Variants in PCDHA7 observed in about 807,000 individuals in gnomAD.
The protein encoded by PCDHA7 is protocadherin alpha 7, also known as protocadherin alpha-7.
A neutral mutation model predicts 57.2 loss-of-function variants in PCDHA7; 37 were observed. The observed-to-expected ratio is 0.65, with a 90% CI of 0.50 to 0.85. The LOEUF (loss-of-function observed/expected upper bound fraction) is 0.85, where lower values mean the gene tolerates loss of function less well. Among genes scored for constraint, PCDHA7 ranks in the 40% least tolerant of loss-of-function variants. PCDHA7 has a pLI of 0.00. For synonymous variants in PCDHA7, 553 were observed against 558.8 expected (o/e 0.99, Z 0.15); for missense variants, 1,188 against 1,241.8 (o/e 0.96, Z 0.65).
intron 1 of PCDHA7, among the ~76,000 whole-genome samples, chr5:140,846,239 T>TATACA (rs1419115940): frequency 1.3e-5 from 2 of 149,652 alleles, no homozygotes; most frequent in Admixed American, 6.7e-5. Context: ...TAAAAAGAAG[T>TATACA]ATACAATAAT....
At chr5:140,995,738 T>G (rs1441000111) in intron 3 of PCDHA7, among the ~76,000 whole-genome samples, 1 of 152,150 alleles carries the variant, frequency 6.6e-6, no homozygotes, top group Non-Finnish European at 1.5e-5. Context: ...CTGGTGGATT[T>G]GGTATATCAT....
chr5:141,009,944 C>T lies in PCDHA7; in HGVS notation c.*7C>T. On this transcript the variant is annotated 3_prime_UTR_variant, in exon 4 of 4. Coordinates refer to ENST00000525929, the MANE Select transcript of PCDHA7 (RefSeq NM_018910.3). Reference sequence around the variant, plus strand: ...TGACAACAGTGACCAGTGAGGTCCTCAAATGGAAACAAGCCACTTAGCCAG... The same window carrying T: ...TGACAACAGTGACCAGTGAGGTCCTTAAATGGAAACAAGCCACTTAGCCAG... The T allele has an allele frequency of 6.3e-7, 1 of 1,595,754 alleles. No individual in the cohort carries two copies. The highest frequency in any genetic ancestry group is 1.1e-5 in the South Asian group (1 of 87,514).
At chr5:140,857,221 C>T in intron 1 of PCDHA7, 1 of 1,598,474 alleles carries the variant, frequency 6.3e-7, no homozygotes, top group South Asian at 1.1e-5. Context: ...TGACGCCTCA[C>T]GTTCCGTTCA....
chr5:141,004,311 C>T (rs2098161581), intron 3 of PCDHA7, among the ~76,000 whole-genome samples: 1 of 152,210 alleles, frequency 6.6e-6, no homozygotes, highest in South Asian at 2.1e-4. Context: ...TTTTATACAA[C>T]AACCAGAACA....
chr5:140,907,648 G>T (rs2153502267), intron 1 of PCDHA7, among the ~76,000 whole-genome samples: 1 of 152,312 alleles, frequency 6.6e-6, no homozygotes, highest in East Asian at 1.9e-4. Flanking sequence ...TGGCAAATTG[G>T]GCACTCAGCA....
intron 1 of PCDHA7, chr5:140,870,530 T>C (rs2052115440): frequency 6.2e-7 from 1 of 1,614,198 alleles, no homozygotes; most frequent in African/African-American, 1.3e-5. Flanking sequence ...ATCTTCACAG[T>C]GTCGGCGCGG....
At chr5:141,002,684 G>C (rs1432098268) in intron 3 of PCDHA7, among the ~76,000 whole-genome samples, 2 of 152,180 alleles carry the variant, frequency 1.3e-5, no homozygotes, top group Non-Finnish European at 2.9e-5. Context: ...TATACGACGT[G>C]CAGATTTGTT....
At chr5:140,973,442 A>G (rs1230315099) in intron 1 of PCDHA7, among the ~76,000 whole-genome samples, 4 of 152,274 alleles carry the variant, frequency 2.6e-5, no homozygotes, top group Non-Finnish European at 5.9e-5. Context: ...TGGTCACTTT[A>G]TAATGACTGG....
chr5:140,996,312 G>A (rs1397001765), intron 3 of PCDHA7, among the ~76,000 whole-genome samples: 2 of 152,186 alleles, frequency 1.3e-5, no homozygotes, highest in African/African-American at 2.4e-5. Flanking sequence ...CAAAGTAAGG[G>A]GGGAGGGTAG....
chr5:140,879,889 C>T (rs897508016), intron 1 of PCDHA7, among the ~76,000 whole-genome samples: 3 of 152,200 alleles, frequency 2.0e-5, no homozygotes, highest in Non-Finnish European at 4.4e-5. Context: ...GCCTCCTCCT[C>T]TCCATGTCTC....
intron 1 of PCDHA7, chr5:140,849,931 C>T (rs2150458140): frequency 1.9e-6 from 3 of 1,598,012 alleles, no homozygotes; most frequent in Non-Finnish European, 1.7e-6. Flanking sequence ...ACGGTGTCTG[C>T]GCGGGACGCT....
chr5:140,966,351 T>C (rs2095993357), intron 1 of PCDHA7: 1 of 397,668 alleles, frequency 2.5e-6, no homozygotes, highest in South Asian at 1.4e-4. Flanking sequence ...GTGAAGGAGA[T>C]GGGGCTGGAG....
chr5:140,977,974 A>G (rs2096783738), intron 1 of PCDHA7, among the ~76,000 whole-genome samples: 1 of 152,182 alleles, frequency 6.6e-6, no homozygotes, highest in African/African-American at 2.4e-5. Context: ...CCGCCCATGA[A>G]AACGCATCTA....
chr5:140,836,170 C>T lies in PCDHA7; in HGVS notation c.1787C>T (p.Ala596Val). 1.9e-6 allele frequency: 3 copies of T among 1,613,826 alleles called. 1 individual carries two copies. The highest frequency in any genetic ancestry group is 2.5e-6 in the Non-Finnish European group (3 of 1,179,794). The change falls in exon 1 of 4, where the codon GCA becomes GTA. Residue 596 changes from alanine (A) to valine (V), a missense_variant. Transcript: ENST00000525929. Reference protein sequence around the residue: ...GAGHVVAKVRAVDADSGYNAW... With the variant: ...GAGHVVAKVRVVDADSGYNAW... ...GGCCATGTGGTGGCGAAGGTACGTG[C>T]AGTTGACGCTGACTCAGGCTACAAC...
chr5:140,888,233 C>T (rs544193607), intron 1 of PCDHA7, among the ~76,000 whole-genome samples: 6 of 152,142 alleles, frequency 3.9e-5, no homozygotes, highest in South Asian at 4.1e-4. Flanking sequence ...CATGTGTGTG[C>T]GTGTTCCTTT....
chr5:140,845,513 G>A (rs2150211324), intron 1 of PCDHA7, among the ~76,000 whole-genome samples: 1 of 149,564 alleles, frequency 6.7e-6, no homozygotes, highest in African/African-American at 2.4e-5. Context: ...CCTATTTCTT[G>A]TACATTAATA....
chr5:140,981,687 ATCAT>A (rs200213847), intron 2 of PCDHA7, among the ~76,000 whole-genome samples: 197 of 152,078 alleles, frequency 1.3e-3, no homozygotes, highest in African/African-American at 4.2e-3. Context: ...CCTCCCTTCC[ATCAT>A]TCATTCATTC....
intron 1 of PCDHA7, chr5:140,875,895 T>C (rs2153332421): frequency 1.2e-6 from 2 of 1,614,196 alleles, no homozygotes; most frequent in Non-Finnish European, 1.7e-6. Flanking sequence ...AAAAGGTACC[T>C]GTTTCTGAAT....
Position 140,852,234 on chromosome 5 carries a change from C to T in PCDHA7, c.2355+15496C>T, listed in dbSNP as rs2150513960. On this transcript the variant is annotated intron_variant, in intron 1 of 3. Coordinates refer to ENST00000525929, the MANE Select transcript of PCDHA7 (RefSeq NM_018910.3). The stretch of plus-strand genomic sequence containing the variant: ...AAAATATTTTAATTTTTAAATTTTC[C>T]CTTAAAACACACTTTTGGAATATGC... 9.0e-5 allele frequency: 51 copies of T among 567,386 alleles called. 1 individual carries two copies. In the East Asian group the frequency reaches 2.4e-3, roughly 26 times the overall value. 35.1% of individuals were successfully genotyped at this position (567,386 alleles called of 1,614,324 possible).
Sources: gnomAD v4.1 joint callset for allele counts (sites outside exome capture counted in the v4.1 genomes callset) on GRCh38, gnomAD v4.1.1 for gene constraint, MANE v1.5 for transcripts, NCBI Gene and HGNC (gene_info 2026-07-23, HGNC 2026-07-21) for gene names.